The following RCOR1 variants were observed in gnomAD, a reference collection of about 807,000 sequenced individuals.
RCOR1 encodes the protein REST corepressor.
Under a neutral mutation model 64.0 loss-of-function variants are expected in RCOR1, and 12 were observed. The observed-to-expected ratio is 0.19, with a 90% CI of 0.12 to 0.30. The LOEUF is 0.30. Ranked by LOEUF, RCOR1 falls within the 10% of genes least tolerant of loss-of-function variation. RCOR1 has a pLI of 1.00. For missense variants in RCOR1, 502 were observed against 621.2 expected (o/e 0.81, Z 2.04); for synonymous variants, 279 against 227.2 (o/e 1.23, Z -2.05).
chr14:102,729,555 C>G lies in RCOR1; in HGVS notation c.*3049C>G, dbSNP rs921394751. 2.9e-5 allele frequency: 8 copies of G among 277,912 alleles called. No individual in the cohort carries two copies. The highest frequency in any genetic ancestry group is 1.7e-4 in the African/African-American group (8 of 45,900). The allele number at this position is 277,912 out of a possible 1,614,324, so 17.2% of individuals were successfully genotyped here. ...AAGACGTTCTGATGCTCACAAACCT[C>G]TATTCAACACACAAAACAAACATGA... On this transcript the variant is annotated 3_prime_UTR_variant, in exon 12 of 12. Transcript: ENST00000262241.
intron 2 of RCOR1, among the ~76,000 whole-genome samples, chr14:102,624,546 G>A (rs573284015): frequency 6.6e-6 from 1 of 151,412 alleles, no homozygotes; most frequent in Non-Finnish European, 1.5e-5. Flanking sequence ...AAAATAGATC[G>A]CTTGAGCCCA....
intron 3 of RCOR1, among the ~76,000 whole-genome samples, chr14:102,697,999 G>T (rs757112312): frequency 6.6e-6 from 1 of 152,174 alleles, no homozygotes; most frequent in Admixed American, 6.5e-5. Context: ...GGGATTACTG[G>T]CATGAGCCAC....
rs566248544 is a variant in RCOR1, at chr14:102,674,785, C to T, written c.362-7110C>T. ...AAGGTCTTTAAAACTTGATAAAAAT[C>T]GACTTTAGGCCGGGCACGGTGGCTC... On this transcript the variant is annotated intron_variant, in intron 2 of 11. Transcript: ENST00000262241. Among the ~76,000 whole-genome samples, 7 of 152,074 alleles carry T rather than the reference C, an allele frequency of 4.6e-5. No individual in the cohort carries two copies. In the East Asian group the frequency reaches 5.8e-4, roughly 13 times the overall value.
Position 102,710,987 on chromosome 14 carries a change from G to C in RCOR1, c.832G>C (p.Asp278His). The change falls in exon 7 of 12, where the codon GAT becomes CAT. Residue 278 changes from aspartate (D) to histidine (H), a missense_variant. Physicochemically the swap from Asp to His is moderately conservative, Grantham distance 81. Transcript: ENST00000262241. ...AAACAATCCCATTGACATTGAGGTT[G>C]ATCAAAACAAGGAAAGCAAAAAGGA... The part of the protein sequence containing the change: ...NGNNPIDIEV[D>H]QNKESKKEVP... 1 of 1,607,128 alleles carries C rather than the reference G, an allele frequency of 6.2e-7. No homozygotes were observed. Among genetic ancestry groups the C allele is most frequent in the Non-Finnish European group, 8.5e-7 (1 of 1,178,456 alleles).
intron 2 of RCOR1, among the ~76,000 whole-genome samples, chr14:102,594,532 C>A (rs1451308047): frequency 6.6e-6 from 1 of 152,196 alleles, no homozygotes; most frequent in South Asian, 2.1e-4. Flanking sequence ...AAATAAATGA[C>A]TTCCTAAATT....
intron 8 of RCOR1, among the ~76,000 whole-genome samples, chr14:102,716,366 A>G (rs901490440): frequency 6.6e-6 from 1 of 152,202 alleles, no homozygotes; most frequent in Non-Finnish European, 1.5e-5. Context: ...TTTGATGAAC[A>G]GTAATTCTTC....
chr14:102,634,135 G>A (rs531632223), intron 2 of RCOR1, among the ~76,000 whole-genome samples: 1 of 152,170 alleles, frequency 6.6e-6, no homozygotes, highest in East Asian at 1.9e-4. Context: ...TCTCTGTCTT[G>A]CCCAGGGTTG....
At chr14:102,620,380 C>T (rs1893850274) in intron 2 of RCOR1, among the ~76,000 whole-genome samples, 1 of 101,250 alleles carries the variant, frequency 9.9e-6, no homozygotes, top group African/African-American at 2.6e-5. Context: ...CCAGCCTGAC[C>T]AACATGGAGA....
At chr14:102,712,901 C>A (rs1435256400) in intron 7 of RCOR1, among the ~76,000 whole-genome samples, 1 of 132,252 alleles carries the variant, frequency 7.6e-6, no homozygotes, top group Non-Finnish European at 1.6e-5. Context: ...TTTTATAATT[C>A]TTATTTATAT....
At chr14:102,726,439 T>C in intron 11 of RCOR1, 29 bp from the exon 12 acceptor site, 1 of 737,290 alleles carries the variant, frequency 1.4e-6, no homozygotes, top group Non-Finnish European at 1.8e-6. Flanking sequence ...CTTTGATCCT[T>C]TTTTTTTTTT....
At chr14:102,615,145 T>G (rs1014765970) in intron 2 of RCOR1, among the ~76,000 whole-genome samples, 8 of 17,824 alleles carry the variant, frequency 4.5e-4, no homozygotes, top group Non-Finnish European at 7.0e-4. Context: ...CGCCCCCACC[T>G]TTTTTTGAGA....
chr14:102,695,209 T>G (rs1248661632), intron 3 of RCOR1, among the ~76,000 whole-genome samples: 2 of 152,236 alleles, frequency 1.3e-5, no homozygotes, highest in African/African-American at 4.8e-5. Context: ...AATTGAAGTT[T>G]AGCGTCCATC....
chr14:102,702,267 T>G (rs1895769876), intron 4 of RCOR1, among the ~76,000 whole-genome samples: 1 of 152,150 alleles, frequency 6.6e-6, no homozygotes, highest in Non-Finnish European at 1.5e-5. Flanking sequence ...TACTTTTGAT[T>G]GCAAAATATA....
At chr14:102,657,432 G>C (rs1045690296) in intron 2 of RCOR1, 1 of 985,026 alleles carries the variant, frequency 1.0e-6, no homozygotes, top group Non-Finnish European at 1.2e-6. Flanking sequence ...TGTTGCTTAA[G>C]TTAAGACTAA....
intron 2 of RCOR1, among the ~76,000 whole-genome samples, chr14:102,619,541 C>T (rs535473832): frequency 5.3e-4 from 79 of 148,058 alleles, no homozygotes; most frequent in Middle Eastern, 3.5e-3. Flanking sequence ...ACTGTAGTGG[C>T]GTGATCTTGC....
At chr14:102,632,283 C>A (rs1315995245) in intron 2 of RCOR1, among the ~76,000 whole-genome samples, 1 of 147,362 alleles carries the variant, frequency 6.8e-6, no homozygotes, top group Non-Finnish European at 1.5e-5. Flanking sequence ...GTGGCATGAT[C>A]TCGGCTCACT....
chr14:102,676,048 T>TC lies in RCOR1; in HGVS notation c.362-5843dup, dbSNP rs751038641. On this transcript the variant is annotated intron_variant, in intron 2 of 11. Coordinates refer to ENST00000262241, the MANE Select transcript of RCOR1 (RefSeq NM_015156.4). Reference sequence around the variant, plus strand: ...ATTTCACAGTTTTTTTTTTTTTTTTTCCCCAAGGCAGAAGAATTTTTCTTA... The same window carrying TC: ...ATTTCACAGTTTTTTTTTTTTTTTTTCCCCCAAGGCAGAAGAATTTTTCTTA... Among the ~76,000 whole-genome samples, 8 of 143,330 alleles carry TC rather than the reference T, an allele frequency of 5.6e-5. No individual in the cohort carries two copies. The South Asian group carries it at 6.5e-4, about 12-fold the overall frequency. 94.0% of individuals were successfully genotyped at this position (143,330 alleles called of 152,430 possible).
rs143090217 is a variant in RCOR1 at position 102,611,109 on chromosome 14, G to C, written c.361+17784G>C. ...TTTGAGATGGAGTTTCGCTCTTGTT[G>C]CCCAGACTGGAGTGGAATGGTGTGA... On this transcript the variant is annotated intron_variant, in intron 2 of 11. Transcript: ENST00000262241. 6.7e-3 allele frequency among the ~76,000 whole-genome samples: 1,014 copies of C among 152,114 alleles called. 9 individuals carry two copies. The highest frequency in any genetic ancestry group is 0.022 in the African/African-American group (933 of 41,512).
intron 2 of RCOR1, among the ~76,000 whole-genome samples, chr14:102,605,479 A>T (rs2146429): frequency 0.62 from 94,756 of 151,648 alleles, 30,659 homozygotes; most frequent in South Asian, 0.72. Flanking sequence ...ATGGAACTAA[A>T]AAATTTCTGT....
Sources: gnomAD v4.1 joint callset for allele counts (sites outside exome capture counted in the v4.1 genomes callset) on GRCh38, gnomAD v4.1.1 for gene constraint, MANE v1.5 for transcripts, NCBI Gene and HGNC (gene_info 2026-07-23, HGNC 2026-07-21) for gene names.